MRAS: variants seen among roughly 807,000 people sequenced by gnomAD.
The protein encoded by MRAS is ras-related protein M-Ras.
In MRAS, 4 loss-of-function variants were observed where a neutral mutation model predicts 20.9. That is an observed-to-expected ratio of 0.19 (90% CI 0.09 to 0.44). The LOEUF is 0.44. Ranked by LOEUF, MRAS falls within the 20% of genes least tolerant of loss-of-function variation. MRAS has a pLI of 0.99. For synonymous variants in MRAS, 98 were observed against 102.9 expected (o/e 0.95, Z 0.29); for missense variants, 154 against 277.5 (o/e 0.56, Z 3.16).
chr3:138,400,240 A>G (rs2108567059), intron 4 of MRAS: 1 of 301,178 alleles, frequency 3.3e-6, no homozygotes, highest in East Asian at 7.2e-5. Flanking sequence ...TTGATAAATG[A>G]AACAGTCTTT....
intron 1 of MRAS, 126 bp from the exon 2 acceptor site, chr3:138,372,740 G>A: frequency 4.5e-6 from 3 of 669,422 alleles, no homozygotes; most frequent in Non-Finnish European, 6.8e-6. Flanking sequence ...ATTTTCTTTT[G>A]CATTTCTTCA....
At chr3:138,387,078 C>T (rs2055032146) in intron 2 of MRAS, among the ~76,000 whole-genome samples, 2 of 152,158 alleles carry the variant, frequency 1.3e-5, no homozygotes, top group Admixed American at 1.3e-4. Flanking sequence ...TGGTAGATCC[C>T]TGTTTCAATT....
chr3:138,374,306 G>T lies in MRAS; in HGVS notation c.193+1230G>T, dbSNP rs2054738302. The stretch of plus-strand genomic sequence containing the variant: ...AGTGCATAGGTCTTTTACATGTTTT[G>T]TCAGTTTTATACCTGTATCTGTATT... On this transcript the variant is annotated intron_variant, in intron 2 of 5. Coordinates refer to ENST00000423968, the MANE Select transcript of MRAS (RefSeq NM_001085049.3). 2.0e-5 allele frequency among the ~76,000 whole-genome samples: 3 copies of T among 152,022 alleles called. No individual in the cohort carries two copies. In the South Asian group the frequency reaches 6.2e-4, roughly 32 times the overall value.
intron 1 of MRAS, among the ~76,000 whole-genome samples, chr3:138,364,437 G>A (rs1338282406): frequency 2.6e-5 from 4 of 152,342 alleles, no homozygotes; most frequent in South Asian, 2.1e-4. Flanking sequence ...TTCTGCCACT[G>A]TCCCTACTTT....
chr3:138,391,058 G>T (rs1259615857), intron 2 of MRAS, among the ~76,000 whole-genome samples: 1 of 151,624 alleles, frequency 6.6e-6, no homozygotes, highest in Non-Finnish European at 1.5e-5. Context: ...TTTTTAAATT[G>T]GTCCTTTGAA....
At chr3:138,364,991 C>T (rs1051036479) in intron 1 of MRAS, among the ~76,000 whole-genome samples, 1 of 152,228 alleles carries the variant, frequency 6.6e-6, no homozygotes, top group African/African-American at 2.4e-5. Context: ...ACATACTCAC[C>T]AGCCCCTAGC....
chr3:138,350,853 G>A (rs977267263), intron 1 of MRAS, among the ~76,000 whole-genome samples: 3 of 151,086 alleles, frequency 2.0e-5, no homozygotes, highest in Admixed American at 6.6e-5. Flanking sequence ...TGAGGTGGGA[G>A]GATTGCTTAA....
chr3:138,368,057 C>G (rs1249239390), intron 1 of MRAS, among the ~76,000 whole-genome samples: 2 of 152,224 alleles, frequency 1.3e-5, no homozygotes, highest in African/African-American at 4.8e-5. Context: ...CCATGGGAAC[C>G]AGTTCAGCCG....
chr3:138,359,463 C>T (rs79403977), intron 1 of MRAS, among the ~76,000 whole-genome samples: 5,557 of 152,218 alleles, frequency 0.037, 335 homozygotes, highest in African/African-American at 0.13. Context: ...GGTTGAATTG[C>T]CTCTCCCCAC....
At chr3:138,354,011 A>T (rs933585325) in intron 1 of MRAS, among the ~76,000 whole-genome samples, 2 of 152,070 alleles carry the variant, frequency 1.3e-5, no homozygotes, top group African/African-American at 4.8e-5. Flanking sequence ...TGCTTAGGGG[A>T]CCTATCCCAT....
intron 2 of MRAS, among the ~76,000 whole-genome samples, chr3:138,377,410 G>A (rs1199340): frequency 0.085 from 12,877 of 152,230 alleles, 1,420 homozygotes; most frequent in African/African-American, 0.25. Context: ...TTTGAGACCA[G>A]CCTGACCAAC....
intron 2 of MRAS, among the ~76,000 whole-genome samples, chr3:138,395,846 A>T (rs1256433318): frequency 6.6e-6 from 1 of 152,236 alleles, no homozygotes; most frequent in Non-Finnish European, 1.5e-5. Flanking sequence ...TCCTTAAATG[A>T]ATGACAAGAT....
chr3:138,355,799 T>G (rs879346892), intron 1 of MRAS, among the ~76,000 whole-genome samples: 2 of 152,162 alleles, frequency 1.3e-5, no homozygotes, highest in Non-Finnish European at 2.9e-5. Flanking sequence ...GGCGTGGTGG[T>G]GTGTGCCTGT....
chr3:138,378,900 C>A (rs761742603), intron 2 of MRAS, among the ~76,000 whole-genome samples: 2 of 152,096 alleles, frequency 1.3e-5, no homozygotes, highest in African/African-American at 4.8e-5. Context: ...CAGTCCCTGG[C>A]AACCACTATT....
intron 2 of MRAS, among the ~76,000 whole-genome samples, chr3:138,396,604 C>T (rs567806723): frequency 1.3e-5 from 2 of 152,340 alleles, no homozygotes; most frequent in Admixed American, 6.5e-5. Flanking sequence ...GACTTTCCCT[C>T]AGCAGGAAGG....
intron 2 of MRAS, among the ~76,000 whole-genome samples, chr3:138,374,335 G>A (rs1011665726): frequency 6.6e-5 from 10 of 152,096 alleles, no homozygotes; most frequent in Non-Finnish European, 1.5e-4. Flanking sequence ...CTGTATTGAT[G>A]CTACCGTAAA....
rs778824998 is a variant in MRAS, at chr3:138,402,550, C to G, written c.*281C>G. 1.8e-5 allele frequency: 7 copies of G among 395,542 alleles called. No homozygotes were observed. The Admixed American group carries it at 2.5e-4, about 14-fold the overall frequency. 24.5% of individuals were successfully genotyped at this position (395,542 alleles called of 1,614,324 possible). A position where few individuals can be genotyped will look rare whatever the true frequency, so the allele number is the denominator to read the frequency against. ...TGTTGATTCAACCCGGTTCCTCCCC[C>G]TCTCTCGGTGGGTGTGTTGTTTATT... On this transcript the variant is annotated 3_prime_UTR_variant, in exon 6 of 6. Coordinates refer to ENST00000423968, the MANE Select transcript of MRAS (RefSeq NM_001085049.3).
intron 1 of MRAS, among the ~76,000 whole-genome samples, chr3:138,361,149 A>G (rs1382782675): frequency 6.6e-6 from 1 of 152,224 alleles, no homozygotes; most frequent in African/African-American, 2.4e-5. Flanking sequence ...GGGGGATAGA[A>G]GAGGGCCTTA....
At chr3:138,381,119 C>T (rs538119781) in intron 2 of MRAS, among the ~76,000 whole-genome samples, 1 of 152,330 alleles carries the variant, frequency 6.6e-6, no homozygotes, top group Non-Finnish European at 1.5e-5. Context: ...ATGGATGTAC[C>T]ATGTTTTCAT....
Sources: allele counts gnomAD v4.1 joint callset (sites outside exome capture counted in the v4.1 genomes callset), GRCh38; gene constraint gnomAD v4.1.1; transcripts MANE v1.5; gene names NCBI Gene and HGNC (gene_info 2026-07-23, HGNC 2026-07-21).